CDH23: variants seen among roughly 807,000 people sequenced by gnomAD.
The protein encoded by CDH23 is cadherin related 23.
Under a neutral mutation model 317.1 loss-of-function variants are expected in CDH23, and 189 were observed. The ratio of observed to expected loss-of-function variants is 0.60; its 90% CI spans 0.53 to 0.67. CDH23 has a LOEUF of 0.67. Among genes scored for constraint, CDH23 ranks in the 30% least tolerant of loss-of-function variants. CDH23 has a pLI of 0.00. For missense variants in CDH23, 4,401 were observed against 4,592.4 expected, an observed-to-expected ratio of 0.96 and a Z score of 1.20; for synonymous variants, 1,839 against 1,876.8, an observed-to-expected ratio of 0.98 and a Z score of 0.52.
At chr10:71,745,155 A>C (rs577022472) in intron 38 of CDH23, among the ~76,000 whole-genome samples, 10 of 152,348 alleles carry the variant, frequency 6.6e-5, no homozygotes, top group African/African-American at 2.4e-4. Context: ...GAAATGAAGA[A>C]AATGTGGTCT....
intron 22 of CDH23, among the ~76,000 whole-genome samples, chr10:71,701,276 C>T (rs1404067463): frequency 1.3e-5 from 2 of 152,140 alleles, no homozygotes; most frequent in Non-Finnish European, 2.9e-5. Flanking sequence ...CCCCACAGAG[C>T]GGGGGATCGG....
At chr10:71,551,012 T>TTGC (rs1856564669) in intron 6 of CDH23, among the ~76,000 whole-genome samples, 1 of 152,238 alleles carries the variant, frequency 6.6e-6, no homozygotes, top group South Asian at 2.1e-4. Flanking sequence ...CAAGCTACAG[T>TTGC]ACAAACGAGC....
At chr10:71,704,102 G>A (rs770933997) in intron 24 of CDH23, among the ~76,000 whole-genome samples, 8 of 152,288 alleles carry the variant, frequency 5.3e-5, no homozygotes, top group South Asian at 2.1e-4. Context: ...TGAGCCCCCC[G>A]TCCTGGAAAG....
intron 6 of CDH23, among the ~76,000 whole-genome samples, chr10:71,555,606 G>A (rs559467342): frequency 1.2e-4 from 18 of 152,264 alleles, no homozygotes; most frequent in Middle Eastern, 3.4e-3. Flanking sequence ...GTGCAGGGAC[G>A]GCCCTGGAAT....
chr10:71,812,411 G>T lies in CDH23; in HGVS notation c.9381-69G>T, dbSNP rs771300593. On this transcript the variant is annotated intron_variant, in intron 66 of 69. Transcript: ENST00000224721. Reference sequence around the variant, plus strand: ...CAGGGAAATGGGCAGGATGTGGGGTGAGGCTGGAAGGGCACCTGTCTACTC... The same window carrying T: ...CAGGGAAATGGGCAGGATGTGGGGTTAGGCTGGAAGGGCACCTGTCTACTC... 3.7e-6 allele frequency: 6 copies of T among 1,609,084 alleles called. No homozygotes were observed. The South Asian group carries it at 6.6e-5, about 18-fold the overall frequency.
chr10:71,403,556 C>T (rs779837408), intron 1 of CDH23, among the ~76,000 whole-genome samples: 4 of 143,450 alleles, frequency 2.8e-5, no homozygotes, highest in South Asian at 2.3e-4. Context: ...CTCTCTCTTT[C>T]GCCAACCTGG....
At chr10:71,807,485 C>T (rs2132988444) in intron 58 of CDH23, 31 bp from the exon 59 acceptor site, 1 of 1,612,926 alleles carries the variant, frequency 6.2e-7, no homozygotes, top group Non-Finnish European at 8.5e-7. Flanking sequence ...TGGCCCTGCC[C>T]CCTCACCCTG....
chr10:71,587,342 CATTT>C (rs1357627227), intron 9 of CDH23, among the ~76,000 whole-genome samples: 1 of 152,180 alleles, frequency 6.6e-6, no homozygotes, highest in East Asian at 1.9e-4. Context: ...TTCATTCATT[CATTT>C]GTTCATTCAT....
intron 22 of CDH23, 75 bp downstream of exon 22, chr10:71,695,600 G>C (rs1865357169): frequency 9.5e-7 from 1 of 1,050,550 alleles, no homozygotes; most frequent in East Asian, 2.4e-5. Context: ...TGCGATTCCA[G>C]GGGGCCTTCC....
At chr10:71,716,411 A>T in intron 28 of CDH23, 3 of 1,280,112 alleles carry the variant, frequency 2.3e-6, no homozygotes, top group Non-Finnish European at 3.2e-6. Context: ...TATAGGGAAG[A>T]CTTACCTAGG....
At chr10:71,488,911 T>A (rs1032627539) in intron 3 of CDH23, among the ~76,000 whole-genome samples, 1 of 152,238 alleles carries the variant, frequency 6.6e-6, no homozygotes, top group African/African-American at 2.4e-5. Context: ...GTACTTTCAG[T>A]CTATTGACTT....
At chr10:71,486,201 C>G (rs187263640) in intron 3 of CDH23, among the ~76,000 whole-genome samples, 1 of 152,140 alleles carries the variant, frequency 6.6e-6, no homozygotes, top group Non-Finnish European at 1.5e-5. Context: ...TCTTTGGGGT[C>G]CTTATTTCCA....
chr10:71,795,697 TCCACCCCTCCCTCCCTCCTC>T, intron 48 of CDH23: 1 of 336,704 alleles, frequency 3.0e-6, no homozygotes, highest in Non-Finnish European at 4.2e-6. Context: ...ACTCCCTGTT[TCCACCCCTCCCTCCCTCCTC>T]CCACCCCGTC....
At chr10:71,740,088 T>C (rs1038418971) in intron 36 of CDH23, among the ~76,000 whole-genome samples, 2 of 152,172 alleles carry the variant, frequency 1.3e-5, no homozygotes, top group Non-Finnish European at 2.9e-5. Context: ...ACAAATACAG[T>C]GTGGCCTTGG....
intron 17 of CDH23, among the ~76,000 whole-genome samples, chr10:71,680,764 G>GAAAAAA (rs1280248961): frequency 1.6e-5 from 1 of 62,208 alleles, no homozygotes; most frequent in African/African-American, 6.9e-5. Context: ...AAAAAAAAAA[G>GAAAAAA]AAAAAGAAAT....
chr10:71,402,762 C>T (rs1433628935), intron 1 of CDH23, among the ~76,000 whole-genome samples: 1 of 151,402 alleles, frequency 6.6e-6, no homozygotes, highest in Non-Finnish European at 1.5e-5. Context: ...CGCGCGCGCA[C>T]ATGCGCGTTG....
chr10:71,530,554 G>T (rs1381243532), intron 6 of CDH23, among the ~76,000 whole-genome samples: 1 of 152,230 alleles, frequency 6.6e-6, no homozygotes, highest in Non-Finnish European at 1.5e-5. Flanking sequence ...GGGCAGGTGT[G>T]TGAGGCTAGG....
intron 6 of CDH23, among the ~76,000 whole-genome samples, chr10:71,545,441 G>A (rs1425472714): frequency 7.2e-5 from 11 of 152,244 alleles, no homozygotes; most frequent in Admixed American, 6.5e-4. Context: ...GTCCCCTGCA[G>A]GGGCTGATTT....
At chr10:71,785,569 G>A in intron 43 of CDH23, 62 bp from the exon 44 acceptor site, 3 of 1,125,976 alleles carry the variant, frequency 2.7e-6, no homozygotes, top group South Asian at 1.3e-5. Flanking sequence ...GTTGGCATCT[G>A]TGGGCCAAAG....
Sources: gnomAD v4.1 joint callset for allele counts (sites outside exome capture counted in the v4.1 genomes callset) on GRCh38, gnomAD v4.1.1 for gene constraint, MANE v1.5 for transcripts, NCBI Gene and HGNC (gene_info 2026-07-23, HGNC 2026-07-21) for gene names.